TMEM170B: variants seen among roughly 807,000 people sequenced by gnomAD.
TMEM170B encodes the protein transmembrane protein 170B.
Under a neutral mutation model 13.0 loss-of-function variants are expected in TMEM170B, and 6 were observed. The ratio of observed to expected loss-of-function variants is 0.46; its 90% CI spans 0.25 to 0.91. TMEM170B has a LOEUF of 0.91. Ranked by LOEUF, TMEM170B falls within the 40% of genes least tolerant of loss-of-function variation. The probability of loss-of-function intolerance (pLI) is 0.17; values close to 1 mark genes in which losing one functional copy is unlikely to be tolerated. For missense variants in TMEM170B, 138 were observed against 165.2 expected (o/e 0.84, Z 0.90); for synonymous variants, 61 against 64.9 (o/e 0.94, Z 0.29).
chr6:11,562,424 G>T (rs1759678730), intron 1 of TMEM170B, among the ~76,000 whole-genome samples: 1 of 148,578 alleles, frequency 6.7e-6, no homozygotes, highest in Admixed American at 6.8e-5. Flanking sequence ...CCATTGAGAA[G>T]CATGCATGGT....
intron 1 of TMEM170B, among the ~76,000 whole-genome samples, chr6:11,556,740 T>C (rs1759594601): frequency 6.6e-6 from 1 of 152,196 alleles, no homozygotes; most frequent in South Asian, 2.1e-4. Flanking sequence ...CTCCCAGGAA[T>C]AGAGGTTTTA....
In TMEM170B at chr6:11,562,510, G is replaced by A. The variant is rs185050765; in HGVS notation, c.98-3156G>A. Among the ~76,000 whole-genome samples the A allele has an allele frequency of 2.1e-3, 313 of 151,478 alleles. 2 individuals carry two copies. Among genetic ancestry groups the A allele is most frequent in the Non-Finnish European group, 3.6e-3 (246 of 67,864 alleles). On this transcript the variant is annotated intron_variant, in intron 1 of 2. Transcript: ENST00000379426. ...TTCAAATTGCATGAGTCCATTCTAC[G>A]TGCCAGTTCTTAAGAATTTGGCAGG...
At chr6:11,543,885 C>T (rs1052668772) in intron 1 of TMEM170B, among the ~76,000 whole-genome samples, 1 of 152,046 alleles carries the variant, frequency 6.6e-6, no homozygotes, top group African/African-American at 2.4e-5. Context: ...ATATACTGAC[C>T]TTTTTATCTT....
chr6:11,571,914 C>T (rs1759809257), intron 2 of TMEM170B, among the ~76,000 whole-genome samples: 1 of 151,932 alleles, frequency 6.6e-6, no homozygotes, highest in Admixed American at 6.6e-5. Flanking sequence ...ACCCTAATGG[C>T]TAATAATATG....
rs1202758228 is a variant in TMEM170B at position 11,582,688 on chromosome 6, C to T, written c.*7127C>T. The T allele has an allele frequency of 6.6e-6, 1 of 152,080 alleles. No individual in the cohort carries two copies. Among genetic ancestry groups the T allele is most frequent in the African/African-American group, 2.4e-5 (1 of 41,402 alleles). 9.4% of individuals were successfully genotyped at this position (152,080 alleles called of 1,614,324 possible). A position where few individuals can be genotyped will look rare whatever the true frequency, so the allele number is the denominator to read the frequency against. The stretch of plus-strand genomic sequence containing the variant: ...CTGTAGTACAGGGCACACACTTTAA[C>T]CTTTAGAAATATGTTTACCATCAGG... On this transcript the variant is annotated 3_prime_UTR_variant, in exon 3 of 3. Coordinates refer to ENST00000379426, the MANE Select transcript of TMEM170B (RefSeq NM_001100829.3).
At position 11,582,743 on chromosome 6, in the gene TMEM170B, G is replaced by T. The variant is rs1358933358; in HGVS notation, c.*7182G>T. On this transcript the variant is annotated 3_prime_UTR_variant, in exon 3 of 3. Coordinates refer to ENST00000379426, the MANE Select transcript of TMEM170B (RefSeq NM_001100829.3). ...TATTTTTACTATAGAAATACTAAAT[G>T]TACTGTGAAGCTTAAAGACAGGAGA... is the stretch of plus-strand genomic sequence containing the variant. The T allele has an allele frequency of 6.6e-6, 1 of 152,112 alleles. No individual in the cohort carries two copies. The highest frequency in any genetic ancestry group is 1.5e-5 in the Non-Finnish European group (1 of 67,994). 9.4% of individuals were successfully genotyped at this position (152,112 alleles called of 1,614,324 possible).
At chr6:11,547,151 C>T (rs1759451192) in intron 1 of TMEM170B, among the ~76,000 whole-genome samples, 1 of 152,150 alleles carries the variant, frequency 6.6e-6, no homozygotes, top group Non-Finnish European at 1.5e-5. Flanking sequence ...ATACATACTA[C>T]ATCATAGTTC....
intron 2 of TMEM170B, among the ~76,000 whole-genome samples, chr6:11,570,830 T>C (rs1277746231): frequency 6.6e-6 from 1 of 152,184 alleles, no homozygotes; most frequent in Non-Finnish European, 1.5e-5. Flanking sequence ...GCAAAGATAA[T>C]TCAGTATCAG....
At chr6:11,541,712 C>G (rs900073846) in intron 1 of TMEM170B, among the ~76,000 whole-genome samples, 2 of 152,246 alleles carry the variant, frequency 1.3e-5, no homozygotes, top group African/African-American at 4.8e-5. Flanking sequence ...TTCAGCCTAA[C>G]TCATCTTTGA....
chr6:11,579,981 G>A lies in TMEM170B; in HGVS notation c.*4420G>A, dbSNP rs1451224244. Reference sequence around the variant, plus strand: ...CCAAGTTCTTTCTTCCACAGGCCAAGGGTGCTTAAGCCCTAGCTGTTATTT... The same window carrying A: ...CCAAGTTCTTTCTTCCACAGGCCAAAGGTGCTTAAGCCCTAGCTGTTATTT... On this transcript the variant is annotated 3_prime_UTR_variant, in exon 3 of 3. Coordinates refer to ENST00000379426, the MANE Select transcript of TMEM170B (RefSeq NM_001100829.3). The A allele has an allele frequency of 6.5e-6, 1 of 152,790 alleles. No individual in the cohort carries two copies. The highest frequency in any genetic ancestry group is 1.9e-4 in the East Asian group (1 of 5,214). The allele number at this position is 152,790 out of a possible 1,614,324, so 9.5% of individuals were successfully genotyped here. A position where few individuals can be genotyped will look rare whatever the true frequency, so the allele number is the denominator to read the frequency against.
At chr6:11,561,220 C>T (rs970266918) in intron 1 of TMEM170B, among the ~76,000 whole-genome samples, 2 of 152,128 alleles carry the variant, frequency 1.3e-5, no homozygotes, top group Non-Finnish European at 2.9e-5. Context: ...TTTTGTATTA[C>T]ATTTTTAAAA....
chr6:11,582,458 G>T lies in TMEM170B; in HGVS notation c.*6897G>T, dbSNP rs527580998. 1.1e-4 allele frequency: 16 copies of T among 152,276 alleles called. No homozygotes were observed. In the East Asian group the frequency reaches 3.1e-3, roughly 29 times the overall value. 9.4% of individuals were successfully genotyped at this position (152,276 alleles called of 1,614,324 possible). A position where few individuals can be genotyped will look rare whatever the true frequency, so the allele number is the denominator to read the frequency against. ...GAATAGTAGCTACTAACTTCATATG[G>T]TTCAATGTAAATCAGTTACTTAGTC... On this transcript the variant is annotated 3_prime_UTR_variant, in exon 3 of 3. Coordinates refer to ENST00000379426, the MANE Select transcript of TMEM170B (RefSeq NM_001100829.3).
intron 1 of TMEM170B, among the ~76,000 whole-genome samples, chr6:11,563,303 G>GC (rs989199688): frequency 6.6e-6 from 1 of 151,866 alleles, no homozygotes; most frequent in Non-Finnish European, 1.5e-5. Context: ...TCCACACCAG[G>GC]CCCCCCTCCC....
Position 11,537,953 on chromosome 6 carries a change from A to C in TMEM170B, c.-325A>C, listed in dbSNP as rs1380450023. Among the ~76,000 whole-genome samples, 1 of 151,286 alleles carries C rather than the reference A, an allele frequency of 6.6e-6. No homozygotes were observed. Among genetic ancestry groups the C allele is most frequent in the East Asian group, 2.0e-4 (1 of 5,116 alleles). On this transcript the variant is annotated 5_prime_UTR_variant, in exon 1 of 3. An upstream open reading frame in the 5' UTR loses its in-frame stop. Coordinates refer to ENST00000379426, the MANE Select transcript of TMEM170B (RefSeq NM_001100829.3). ...TCCCCGCGGCGCGGCGCTGCCCCTG[A>C]GAGGGAGCGGCGGCGGCCTCCTCCG... is the stretch of plus-strand genomic sequence containing the variant.
chr6:11,564,433 G>A (rs1388417772), intron 1 of TMEM170B, among the ~76,000 whole-genome samples: 1 of 152,082 alleles, frequency 6.6e-6, no homozygotes, highest in Non-Finnish European at 1.5e-5. Flanking sequence ...CTATTTTATT[G>A]ACTTTTCTTT....
At chr6:11,538,433 C>G in intron 1 of TMEM170B, 59 bp downstream of exon 1, 5 of 1,310,014 alleles carry the variant, frequency 3.8e-6, no homozygotes, top group Non-Finnish European at 5.1e-6. Context: ...CTGTCTTCTC[C>G]TTCCTCGGGA....
In TMEM170B at chr6:11,576,928, A is replaced by G. The variant is rs1759881844; in HGVS notation, c.*1367A>G. ...AGAGGTTCTGGCAATACGTAATTGTAAGAGTATAGGAAGTAGGGTTGAACT... is the reference window on the plus strand; with the variant it reads ...AGAGGTTCTGGCAATACGTAATTGTGAGAGTATAGGAAGTAGGGTTGAACT... On this transcript the variant is annotated 3_prime_UTR_variant, in exon 3 of 3. Coordinates refer to ENST00000379426, the MANE Select transcript of TMEM170B (RefSeq NM_001100829.3). 6.6e-6 allele frequency: 1 copy of G among 152,262 alleles called. No homozygotes were observed. The highest frequency in any genetic ancestry group is 3.4e-3 in the Middle Eastern group (1 of 294). The allele number at this position is 152,262 out of a possible 1,614,324, so 9.4% of individuals were successfully genotyped here.
intron 1 of TMEM170B, among the ~76,000 whole-genome samples, chr6:11,541,948 T>G (rs996089385): frequency 2.6e-5 from 4 of 152,110 alleles, no homozygotes; most frequent in Non-Finnish European, 5.9e-5. Flanking sequence ...TCGAGTAAAT[T>G]ATCGAGTAAA....
intron 1 of TMEM170B, among the ~76,000 whole-genome samples, chr6:11,562,928 C>T (rs759687269): frequency 5.9e-5 from 9 of 152,052 alleles, no homozygotes; most frequent in African/African-American, 9.7e-5. Context: ...GTTTTTGTTT[C>T]GTTTTAAAAT....
Sources: allele counts gnomAD v4.1 joint callset (sites outside exome capture counted in the v4.1 genomes callset), GRCh38; gene constraint gnomAD v4.1.1; transcripts MANE v1.5; gene names NCBI Gene and HGNC (gene_info 2026-07-23, HGNC 2026-07-21).